The following LAMB1 variants were observed in gnomAD, a reference collection of about 807,000 sequenced individuals.
LAMB1 encodes the protein laminin subunit beta 1.
In LAMB1, 121 loss-of-function variants were observed where a neutral mutation model predicts 222.3. The observed-to-expected ratio is 0.54, with a 90% CI of 0.47 to 0.63. The LOEUF (loss-of-function observed/expected upper bound fraction) is 0.63, where lower values mean the gene tolerates loss of function less well. LAMB1 is among the 30% of genes least tolerant of loss of function. LAMB1 has a pLI of 0.00. For synonymous variants in LAMB1, 794 were observed against 807.2 expected (o/e 0.98, Z 0.28); for missense variants, 2,172 against 2,240.8 (o/e 0.97, Z 0.62).
rs376719745 is a variant in LAMB1, at chr7:107,953,691, C to T, written c.2918G>A (p.Cys973Tyr). 2 of 1,614,160 alleles carry T rather than the reference C, an allele frequency of 1.2e-6. No individual in the cohort carries two copies. Among genetic ancestry groups the T allele is most frequent in the Admixed American group, 1.7e-5 (1 of 60,026 alleles). ...FGNPSEVGGS[C>Y]QPCQCHNNID... ...GTTGTTGTGACACTGGCAAGGCTGA[C>T]ACGACCCCCCAACTTCTGATGGATT... The change falls in exon 22 of 34, where the codon TGT (cysteine) becomes TAT (tyrosine). Residue 973 changes from cysteine (C) to tyrosine (Y), a missense_variant. Coordinates refer to ENST00000222399, the MANE Select transcript of LAMB1 (RefSeq NM_002291.3).
chr7:107,964,607 T>C lies in LAMB1; in HGVS notation c.1643A>G (p.Tyr548Cys). Residue 548 changes from tyrosine to cysteine, a missense_variant, in exon 14 of 34, where the codon TAC (tyrosine) becomes TGC (cysteine). Coordinates refer to ENST00000222399, the MANE Select transcript of LAMB1 (RefSeq NM_002291.3). Reference protein sequence around the residue: ...RQCNEVEPGYYFATLDHYLYE... With the variant: ...RQCNEVEPGYCFATLDHYLYE... ...GAGGTAGTGATCCAGGGTGGCAAAG[T>C]AGTAACCAGGTTCCACTTCGTTGCA... The C allele has an allele frequency of 6.2e-7, 1 of 1,614,110 alleles. No individual in the cohort carries two copies. Among genetic ancestry groups the C allele is most frequent in the Non-Finnish European group, 8.5e-7 (1 of 1,180,022 alleles).
chr7:107,943,609 A>G (rs2116366407), intron 24 of LAMB1, among the ~76,000 whole-genome samples: 1 of 152,214 alleles, frequency 6.6e-6, no homozygotes, highest in South Asian at 2.1e-4. Flanking sequence ...GTTCATAAAA[A>G]ACAGATTGCT....
chr7:107,945,399 C>T (rs2237689), intron 24 of LAMB1, among the ~76,000 whole-genome samples: 49,968 of 152,150 alleles, frequency 0.33, 9,866 homozygotes, highest in Non-Finnish European at 0.44. Flanking sequence ...CCTGTGCCCA[C>T]TGAACAAAGT....
intron 27 of LAMB1, among the ~76,000 whole-genome samples, chr7:107,934,923 G>A (rs1020745432): frequency 6.8e-6 from 1 of 146,660 alleles, no homozygotes; most frequent in Non-Finnish European, 1.5e-5. Flanking sequence ...AAAAAAAAGC[G>A]GGGGTGGGGG....
chr7:107,929,468 A>G lies in LAMB1; in HGVS notation c.4689T>C (p.His1563=), dbSNP rs2032653380. The change falls in exon 30 of 34, where the codon CAT becomes CAC. Residue 1563 remains histidine (H), a synonymous_variant. Transcript: ENST00000222399. ...SLSQVEVILQ[H]SAADIARAEM... is the part of the protein sequence containing the mutation. Reference sequence around the variant, plus strand: ...CAGCTCTGGCAATGTCAGCAGCACTATGCTGAAGAATAACCTCTACTTGAG... The same window carrying G: ...CAGCTCTGGCAATGTCAGCAGCACTGTGCTGAAGAATAACCTCTACTTGAG... 6.2e-7 allele frequency: 1 copy of G among 1,614,116 alleles called. No individual in the cohort carries two copies. The highest frequency in any genetic ancestry group is 8.5e-7 in the Non-Finnish European group (1 of 1,179,964).
chr7:107,999,420 A>G (rs1304591892), intron 3 of LAMB1, among the ~76,000 whole-genome samples: 3 of 152,238 alleles, frequency 2.0e-5, no homozygotes, highest in African/African-American at 4.8e-5. Flanking sequence ...AAATACATAG[A>G]GACCCACATG....
chr7:107,940,589 T>A (rs546620018), intron 24 of LAMB1: 4 of 554,112 alleles, frequency 7.2e-6, no homozygotes, highest in Non-Finnish European at 1.3e-5. Flanking sequence ...AAATGTTTTA[T>A]ATGAATGATC....
At chr7:107,987,650 A>G (rs1366209226) in intron 5 of LAMB1, among the ~76,000 whole-genome samples, 1 of 152,040 alleles carries the variant, frequency 6.6e-6, no homozygotes, top group African/African-American at 2.4e-5. Flanking sequence ...ACAAACACGC[A>G]CCACCACGCC....
intron 24 of LAMB1, among the ~76,000 whole-genome samples, chr7:107,944,961 G>A (rs569129041): frequency 6.6e-6 from 1 of 152,304 alleles, no homozygotes; most frequent in Admixed American, 6.5e-5. Context: ...AGATAAAGCA[G>A]TCTTATTTTA....
chr7:107,977,204 T>C (rs2033884956), intron 9 of LAMB1, among the ~76,000 whole-genome samples: 1 of 147,854 alleles, frequency 6.8e-6, no homozygotes, highest in Non-Finnish European at 1.5e-5. Flanking sequence ...CAGCTCTCAC[T>C]GGCTGCTGAA....
intron 20 of LAMB1, among the ~76,000 whole-genome samples, chr7:107,958,074 T>A (rs1046485535): frequency 6.6e-6 from 1 of 152,202 alleles, no homozygotes; most frequent in Non-Finnish European, 1.5e-5. Flanking sequence ...TTCCCCCTCC[T>A]CTCTCTGCTC....
chr7:107,931,920 A>G (rs1016506806), intron 28 of LAMB1, among the ~76,000 whole-genome samples: 5 of 152,232 alleles, frequency 3.3e-5, no homozygotes, highest in Admixed American at 1.3e-4. Context: ...GCTATCTCAA[A>G]TTATCCAGTA....
Position 107,960,665 on chromosome 7 carries a change from A to C in LAMB1, c.2110-16T>G. On this transcript the variant is annotated splice_polypyrimidine_tract_variant and intron_variant, in intron 17 of 33. Transcript: ENST00000222399. ...TGAGAACAAGCTGTGAAGAAATGAG[A>C]ACGGCCAAACATCCTTACAGTGGTG... 6.2e-7 allele frequency: 1 copy of C among 1,610,614 alleles called. No individual in the cohort carries two copies.
chr7:107,956,460 T>C (rs2033378770), intron 20 of LAMB1, among the ~76,000 whole-genome samples: 1 of 152,172 alleles, frequency 6.6e-6, no homozygotes, highest in South Asian at 2.1e-4. Context: ...GACCACTGCG[T>C]TCGAGTGACA....
In LAMB1 at chr7:107,960,809, C is replaced by CT. The variant is rs1456006747; in HGVS notation, c.2110-161dup. ...ATAAACCTCCCTATTCCTAAATACT[C>CT]TTGGCAGGAAATTTTAGATATGTTT... On this transcript the variant is annotated intron_variant, in intron 17 of 33. Transcript: ENST00000222399. 2.6e-5 allele frequency among the ~76,000 whole-genome samples: 4 copies of CT among 152,224 alleles called. No individual in the cohort carries two copies. The East Asian group carries it at 7.7e-4, about 29-fold the overall frequency.
intron 24 of LAMB1, among the ~76,000 whole-genome samples, chr7:107,948,507 A>C (rs1186233152): frequency 6.6e-6 from 1 of 152,192 alleles, no homozygotes; most frequent in African/African-American, 2.4e-5. Flanking sequence ...ACTTATGCTC[A>C]CTTGGAGCTT....
At chr7:107,925,879 TTTGTCAATATAG>T (rs2032550304) in intron 32 of LAMB1, among the ~76,000 whole-genome samples, 1 of 143,960 alleles carries the variant, frequency 6.9e-6, no homozygotes, top group Admixed American at 7.2e-5. Context: ...ATGACTGGTT[TTTGTCAATATAG>T]TTGGTTTAAA....
intron 6 of LAMB1, 30 bp downstream of exon 6, chr7:107,986,145 G>A (rs1584533635): frequency 1.9e-6 from 3 of 1,610,818 alleles, no homozygotes; most frequent in South Asian, 1.1e-5. Context: ...AGATTTGCAA[G>A]TAGAATGTAA....
At chr7:108,002,609 G>A (rs1430905735) in intron 2 of LAMB1, among the ~76,000 whole-genome samples, 3 of 152,238 alleles carry the variant, frequency 2.0e-5, no homozygotes, top group Non-Finnish European at 4.4e-5. Context: ...GGCCGCGGGA[G>A]GCCGCAGGGG....
Sources: gnomAD v4.1 joint callset for allele counts (sites outside exome capture counted in the v4.1 genomes callset) on GRCh38, gnomAD v4.1.1 for gene constraint, MANE v1.5 for transcripts, NCBI Gene and HGNC (gene_info 2026-07-23, HGNC 2026-07-21) for gene names.